The following PIN1 variants were observed in gnomAD, a reference collection of about 807,000 sequenced individuals.
The protein encoded by PIN1 is peptidyl-prolyl cis-trans isomerase NIMA-interacting 1.
A neutral mutation model predicts 19.9 loss-of-function variants in PIN1; 8 were observed. The observed-to-expected ratio is 0.40, with a 90% confidence interval of 0.24 to 0.72. The LOEUF (loss-of-function observed/expected upper bound fraction) is 0.72. Among genes scored for constraint, PIN1 ranks in the 30% least tolerant of loss-of-function variants. PIN1 has a pLI of 0.37. For missense variants in PIN1, 185 were observed against 226.5 expected, an observed-to-expected ratio of 0.82 and a Z score of 1.18; for synonymous variants, 86 against 90.8, an observed-to-expected ratio of 0.95 and a Z score of 0.30.
intron 1 of PIN1, chr19:9,837,413 C>G (rs575529509): frequency 6.4e-6 from 1 of 157,100 alleles, no homozygotes; most frequent in African/African-American, 2.4e-5. Context: ...CTCAGCCTCC[C>G]AAAGTGCTGG....
At chr19:9,848,927 C>T (rs1489373514) in intron 3 of PIN1, among the ~76,000 whole-genome samples, 163 bp from the exon 4 acceptor site, 4 of 152,152 alleles carry the variant, frequency 2.6e-5, no homozygotes, top group Non-Finnish European at 4.4e-5. Context: ...CCAGCTGGGC[C>T]GCCGCTCAGC....
rs537433462 is a variant in PIN1 at position 9,838,363 on chromosome 19, G to C, written c.59-73G>C. On this transcript the variant is annotated intron_variant, in intron 1 of 3. Transcript: ENST00000247970. This position sits in a 1 kb window ranked among gnomAD's most constrained non-coding sequence, Gnocchi z 5.8. ...CCCTGCAAGCCAGGCCCTCACCCTGGCTTCTGGCTGTGGGCCCAGGGGTGT... is the reference window on the plus strand; with the variant it reads ...CCCTGCAAGCCAGGCCCTCACCCTGCCTTCTGGCTGTGGGCCCAGGGGTGT... The C allele has an allele frequency of 3.2e-5, 39 of 1,236,856 alleles. No individual in the cohort carries two copies. In the South Asian group the frequency reaches 4.3e-4, roughly 14 times the overall value. 76.6% of individuals were successfully genotyped at this position (1,236,856 alleles called of 1,614,324 possible). A position where few individuals can be genotyped will look rare whatever the true frequency, so the allele number is the denominator to read the frequency against.
chr19:9,849,345 C>G lies in PIN1; in HGVS notation c.*146C>G, dbSNP rs758120498. 1.4e-6 allele frequency: 1 copy of G among 726,120 alleles called. No homozygotes were observed. Among genetic ancestry groups the G allele is most frequent in the Non-Finnish European group, 2.5e-6 (1 of 405,660 alleles). 45.0% of individuals were successfully genotyped at this position (726,120 alleles called of 1,614,324 possible). Reference sequence around the variant, plus strand: ...TGTTCCCACAATGGCTGGGAGGGGGCCCTTCCAGATTGGGGGCCCTGGGGT... The same window carrying G: ...TGTTCCCACAATGGCTGGGAGGGGGGCCTTCCAGATTGGGGGCCCTGGGGT... On this transcript the variant is annotated 3_prime_UTR_variant, in exon 4 of 4. Transcript: ENST00000247970.
intron 1 of PIN1, chr19:9,835,745 C>G: frequency 3.0e-6 from 1 of 338,358 alleles, no homozygotes; most frequent in South Asian, 5.9e-5. Context: ...GGGGGCACCC[C>G]TGGGAGGGAG....
intron 2 of PIN1, among the ~76,000 whole-genome samples, chr19:9,844,810 C>T (rs1276382278): frequency 6.6e-6 from 1 of 152,222 alleles, no homozygotes; most frequent in Admixed American, 6.5e-5. Context: ...CTTCGAGCCC[C>T]GTGGTAGATC....
At position 9,835,395 on chromosome 19, in the gene PIN1, C is replaced by T; in HGVS notation, c.51C>T (p.Arg17=). ...LPPGWEKRMS[R]SSGRVYYFNH... ...CCGGCTGGGAGAAGCGCATGAGCCG[C>T]AGCTCAGGTGCCGCGGGGGTCGGGG... Residue 17 remains arginine, a synonymous_variant, in exon 1 of 4, where the codon CGC becomes CGT. Transcript: ENST00000247970. The T allele has an allele frequency of 1.3e-6, 2 of 1,513,038 alleles. No homozygotes were observed. Among genetic ancestry groups the T allele is most frequent in the Non-Finnish European group, 1.8e-6 (2 of 1,137,116 alleles). The allele number at this position is 1,513,038 out of a possible 1,614,324, so 93.7% of individuals were successfully genotyped here. A position where few individuals can be genotyped will look rare whatever the true frequency, so the allele number is the denominator to read the frequency against.
At chr19:9,837,215 ATGAT>A in intron 1 of PIN1, 1 of 223,888 alleles carries the variant, frequency 4.5e-6, no homozygotes, top group Non-Finnish European at 9.2e-6. Flanking sequence ...GTGCAGTGGC[ATGAT>A]CTTGGCGCAC....
intron 2 of PIN1, among the ~76,000 whole-genome samples, chr19:9,841,584 G>A (rs1431552466): frequency 6.6e-6 from 1 of 152,202 alleles, no homozygotes; most frequent in East Asian, 1.9e-4. Context: ...GGAGGCAGCA[G>A]GACATATGTG....
chr19:9,845,292 C>T (rs1028207052), intron 2 of PIN1, among the ~76,000 whole-genome samples: 5 of 146,518 alleles, frequency 3.4e-5, no homozygotes, highest in Admixed American at 6.8e-5. Flanking sequence ...AATGGAGTTT[C>T]GCTCTTGTTG....
At chr19:9,837,532 G>C (rs1226950040) in intron 1 of PIN1, 1 of 153,440 alleles carries the variant, frequency 6.5e-6, no homozygotes, top group Non-Finnish European at 1.4e-5. Context: ...CATGATCTTG[G>C]CTCACTGTAG....
intron 1 of PIN1, chr19:9,835,722 C>G (rs1034327361): frequency 7.9e-6 from 3 of 379,962 alleles, no homozygotes; most frequent in Non-Finnish European, 1.4e-5. Context: ...CGTCTCTGCA[C>G]CTTGCTGGGC....
chr19:9,836,779 A>G (rs1202247933), intron 1 of PIN1: 3 of 1,250,810 alleles, frequency 2.4e-6, no homozygotes, highest in Non-Finnish European at 3.1e-6. Context: ...GGTGTGAAGT[A>G]CCTGAGTACA....
chr19:9,839,151 A>C (rs936468135), intron 2 of PIN1, among the ~76,000 whole-genome samples: 2 of 152,030 alleles, frequency 1.3e-5, no homozygotes. Context: ...TAGTGAGTGC[A>C]TGCAGGGTGC....
At position 9,840,157 on chromosome 19, in the gene PIN1, G is replaced by C. The variant is rs183628581; in HGVS notation, c.271+1509G>C. ...TAATTCCAGCACTTTGGGAGGCCAA[G>C]GTGGGTGGATCACGAAGTCAGGAGA... On this transcript the variant is annotated intron_variant, in intron 2 of 3. Coordinates refer to ENST00000247970, the MANE Select transcript of PIN1 (RefSeq NM_006221.4). 1.9e-3 allele frequency among the ~76,000 whole-genome samples: 284 copies of C among 152,314 alleles called. 3 individuals are homozygous for C. Among genetic ancestry groups the C allele is most frequent in the African/African-American group, 6.7e-3 (279 of 41,568 alleles).
chr19:9,838,397 C>T lies in PIN1; in HGVS notation c.59-39C>T, dbSNP rs767187172. 2.0e-6 allele frequency: 3 copies of T among 1,527,010 alleles called. No individual in the cohort carries two copies. Among genetic ancestry groups the T allele is most frequent in the South Asian group, 1.2e-5 (1 of 84,530 alleles). 94.6% of individuals were successfully genotyped at this position (1,527,010 alleles called of 1,614,324 possible). A position where few individuals can be genotyped will look rare whatever the true frequency, so the allele number is the denominator to read the frequency against. On this transcript the variant is annotated intron_variant, in intron 1 of 3. Coordinates refer to ENST00000247970, the MANE Select transcript of PIN1 (RefSeq NM_006221.4). The surrounding 1 kb of genome is among the most constrained non-coding windows in gnomAD (Gnocchi z 5.8). ...TGTGGGCCCAGGGGTGTCCTGGGAG[C>T]ACAACCCTAGCTGAATTCCTGCCTG...
rs1484774281 is a variant in PIN1 at position 9,836,660 on chromosome 19, T to C, written c.58+1258T>C. The C allele has an allele frequency of 6.2e-5, 23 of 369,764 alleles. No individual in the cohort carries two copies. In the Admixed American group the frequency reaches 7.6e-4, roughly 12 times the overall value. 22.9% of individuals were successfully genotyped at this position (369,764 alleles called of 1,614,324 possible). A position where few individuals can be genotyped will look rare whatever the true frequency, so the allele number is the denominator to read the frequency against. ...TACTTCCAGTTTCTTGTTCACAGTC[T>C]TCACTCCTTCATACCCCTCACTCCC... On this transcript the variant is annotated intron_variant, in intron 1 of 3. Transcript: ENST00000247970.
chr19:9,848,591 G>T, intron 3 of PIN1: 1 of 243,210 alleles, frequency 4.1e-6, no homozygotes, highest in Non-Finnish European at 8.2e-6. Context: ...TGGAAATCAG[G>T]GACAGAGGGG....
At chr19:9,836,138 C>G (rs2046101949) in intron 1 of PIN1, 1 of 152,198 alleles carries the variant, frequency 6.6e-6, no homozygotes, top group Admixed American at 6.5e-5. Flanking sequence ...CTACAAATCC[C>G]CCTCCCCGTG....
At chr19:9,835,690 A>C in intron 1 of PIN1, 1 of 436,280 alleles carries the variant, frequency 2.3e-6, no homozygotes, top group Non-Finnish European at 4.0e-6. Context: ...TCTCGGCCTA[A>C]TGCACCTGAC....
Sources: allele counts gnomAD v4.1 joint callset (sites outside exome capture counted in the v4.1 genomes callset), GRCh38; gene constraint gnomAD v4.1.1; non-coding constraint Gnocchi (gnomAD v3.1); transcripts MANE v1.5; gene names NCBI Gene and HGNC (gene_info 2026-07-23, HGNC 2026-07-21).